PLEKHO2: variants seen among roughly 807,000 people sequenced by gnomAD.
PLEKHO2 encodes the protein pleckstrin homology domain-containing family O member 2.
A neutral mutation model predicts 32.7 loss-of-function variants in PLEKHO2; 20 were observed. The observed-to-expected ratio is 0.61, with a 90% confidence interval of 0.43 to 0.89. PLEKHO2 has a LOEUF of 0.89. Among genes scored for constraint, PLEKHO2 ranks in the 40% least tolerant of loss-of-function variants. The pLI is 0.00. For missense variants in PLEKHO2, 568 were observed against 621.2 expected, an observed-to-expected ratio of 0.91 and a Z score of 0.91; for synonymous variants, 247 against 246.3, an observed-to-expected ratio of 1.00 and a Z score of -0.03.
chr15:64,845,491 G>C (rs1246221129), intron 1 of PLEKHO2, among the ~76,000 whole-genome samples: 2 of 152,068 alleles, frequency 1.3e-5, no homozygotes, highest in Non-Finnish European at 2.9e-5. Flanking sequence ...TGGAGGGAGG[G>C]GGTCTGAGGG....
At chr15:64,860,893 C>A (rs1380492620) in intron 4 of PLEKHO2, among the ~76,000 whole-genome samples, 1 of 152,230 alleles carries the variant, frequency 6.6e-6, no homozygotes, top group Admixed American at 6.5e-5. Flanking sequence ...ACATGTGGGC[C>A]TGAGCCCCCA....
chr15:64,863,392 A>G (rs570665028), intron 5 of PLEKHO2, among the ~76,000 whole-genome samples: 1 of 151,954 alleles, frequency 6.6e-6, no homozygotes, highest in Non-Finnish European at 1.5e-5. Flanking sequence ...CTGCAGAGGG[A>G]GCACTGAGGT....
At chr15:64,864,706 A>G (rs1356555641) in intron 5 of PLEKHO2, among the ~76,000 whole-genome samples, 193 bp from the exon 6 acceptor site, 1 of 152,186 alleles carries the variant, frequency 6.6e-6, no homozygotes, top group Non-Finnish European at 1.5e-5. Flanking sequence ...GGTGAGGGAA[A>G]GGAGAGGAAG....
Position 64,865,843 on chromosome 15 carries a change from G to A in PLEKHO2, c.1428G>A (p.Glu476=), listed in dbSNP as rs148366038. 4 of 1,611,406 alleles carry A rather than the reference G, an allele frequency of 2.5e-6. No individual in the cohort carries two copies. In the African/African-American group the frequency reaches 5.3e-5, roughly 22 times the overall value. The change falls in exon 6 of 6, where the codon GAG becomes GAA. Residue 476 remains glutamate, a synonymous_variant. Transcript: ENST00000323544. ...GCCAGGAAGCACCTGGGCTAAGGGA[G>A]AAGCGGAAGGAGCTGGTGACCCTCT... The part of the protein sequence containing the change: ...ELSQEAPGLR[E]KRKELVTLYR...
chr15:64,842,238 C>T (rs1392251045), intron 1 of PLEKHO2, among the ~76,000 whole-genome samples: 1 of 152,274 alleles, frequency 6.6e-6, no homozygotes, highest in Non-Finnish European at 1.5e-5. Context: ...CTGACTTTCT[C>T]ACCAGTTGTG....
rs999366062 is a variant in PLEKHO2 at position 64,857,605 on chromosome 15, G to A, written c.280-2289G>A. On this transcript the variant is annotated intron_variant, in intron 3 of 5. Coordinates refer to ENST00000323544, the MANE Select transcript of PLEKHO2 (RefSeq NM_025201.5). ...TGTGGTCATCCTTGTGGAATGCCTGGCTCGTTCAGCCAGATACAGGGTTCC... is the reference window on the plus strand; with the variant it reads ...TGTGGTCATCCTTGTGGAATGCCTGACTCGTTCAGCCAGATACAGGGTTCC... 3.4e-4 allele frequency among the ~76,000 whole-genome samples: 52 copies of A among 152,274 alleles called. 1 individual carries two copies. Among genetic ancestry groups the A allele is most frequent in the African/African-American group, 1.1e-3 (44 of 41,556 alleles).
chr15:64,864,571 C>T (rs2084667958), intron 5 of PLEKHO2, among the ~76,000 whole-genome samples: 1 of 152,122 alleles, frequency 6.6e-6, no homozygotes, highest in South Asian at 2.1e-4. Flanking sequence ...GGAACTCTGT[C>T]CCCTGCCACC....
intron 1 of PLEKHO2, among the ~76,000 whole-genome samples, chr15:64,847,518 C>T (rs905701930): frequency 1.3e-5 from 2 of 152,082 alleles, no homozygotes; most frequent in Admixed American, 6.5e-5. Flanking sequence ...TTTCATTTCA[C>T]GCGTACCTCT....
At chr15:64,843,921 A>G (rs948052078) in intron 1 of PLEKHO2, among the ~76,000 whole-genome samples, 1 of 152,026 alleles carries the variant, frequency 6.6e-6, no homozygotes, top group African/African-American at 2.4e-5. Context: ...AAAGCTCTCT[A>G]AATATCTGGG....
At chr15:64,860,081 T>C in intron 4 of PLEKHO2, 83 bp downstream of exon 4, 1 of 1,114,016 alleles carries the variant, frequency 9.0e-7, no homozygotes, top group South Asian at 1.3e-5. Flanking sequence ...TGCCCCTCCT[T>C]ACCCCAGACT....
At chr15:64,844,027 C>T (rs1021349497) in intron 1 of PLEKHO2, among the ~76,000 whole-genome samples, 1 of 152,236 alleles carries the variant, frequency 6.6e-6, no homozygotes, top group African/African-American at 2.4e-5. Context: ...ATCCCTAACT[C>T]TGCTTTCCTC....
intron 5 of PLEKHO2, among the ~76,000 whole-genome samples, chr15:64,862,159 G>A (rs1374945202): frequency 6.6e-6 from 1 of 152,156 alleles, no homozygotes; most frequent in Non-Finnish European, 1.5e-5. Context: ...GAAGGGGGTT[G>A]TGGGGAGGAA....
chr15:64,849,324 T>C (rs1209763429), intron 2 of PLEKHO2, among the ~76,000 whole-genome samples: 1 of 152,070 alleles, frequency 6.6e-6, no homozygotes, highest in African/African-American at 2.4e-5. Flanking sequence ...ATTTTTTGTA[T>C]TTTAGTAGAG....
Position 64,865,612 on chromosome 15 carries a change from G to T in PLEKHO2, c.1197G>T (p.Pro399=). The part of the protein sequence containing the change: ...SSLGDLLGEG[P]RHPLQPRERL... ...TTGGGGACTTGCTTGGGGAAGGCCCGCGGCATCCCTTGCAGCCCAGGGAAC... is the reference window on the plus strand; with the variant it reads ...TTGGGGACTTGCTTGGGGAAGGCCCTCGGCATCCCTTGCAGCCCAGGGAAC... Residue 399 remains proline, a synonymous_variant, in exon 6 of 6, where the codon CCG becomes CCT. Transcript: ENST00000323544. 1 of 1,614,242 alleles carries T rather than the reference G, an allele frequency of 6.2e-7. No individual in the cohort carries two copies. Among genetic ancestry groups the T allele is most frequent in the Non-Finnish European group, 8.5e-7 (1 of 1,180,034 alleles).
At chr15:64,844,297 G>T (rs1383985535) in intron 1 of PLEKHO2, among the ~76,000 whole-genome samples, 6 of 152,234 alleles carry the variant, frequency 3.9e-5, no homozygotes, top group South Asian at 4.1e-4. Flanking sequence ...GTCAGGCTGA[G>T]GCTTGGGGAG....
chr15:64,846,004 G>A (rs1246384349), intron 1 of PLEKHO2, among the ~76,000 whole-genome samples: 1 of 152,238 alleles, frequency 6.6e-6, no homozygotes, highest in Non-Finnish European at 1.5e-5. Context: ...AGGCCTGGCA[G>A]GGGCTGGTGG....
Position 64,854,902 on chromosome 15 carries a change from C to A in PLEKHO2, c.163-19C>A. 2 of 1,601,850 alleles carry A rather than the reference C, an allele frequency of 1.2e-6. No individual in the cohort carries two copies. Among genetic ancestry groups the A allele is most frequent in the Non-Finnish European group, 8.6e-7 (1 of 1,169,536 alleles). On this transcript the variant is annotated intron_variant, in intron 2 of 5. Transcript: ENST00000323544. ...GTCTGACTGTCACCAGCTCATGTCC[C>A]TTCTGTCTCCCTCCCCAGGATGATC...
Position 64,846,856 on chromosome 15 carries a change from T to G in PLEKHO2, c.13-1737T>G, listed in dbSNP as rs372893389. 4.8e-3 allele frequency among the ~76,000 whole-genome samples: 727 copies of G among 152,272 alleles called. 5 individuals are homozygous for G. The highest frequency in any genetic ancestry group is 8.4e-3 in the Non-Finnish European group (569 of 68,012). On this transcript the variant is annotated intron_variant, in intron 1 of 5. Transcript: ENST00000323544. ...ATAATGACAGCTGCCGTTTACTAGG[T>G]TTAGGGCATCCTGGGAACTGCTCTA... is the stretch of plus-strand genomic sequence containing the variant.
Position 64,865,613 on chromosome 15 carries a change from C to A in PLEKHO2, c.1198C>A (p.Arg400=), listed in dbSNP as rs139634648. Residue 400 remains arginine (R), a synonymous_variant, in exon 6 of 6, where the codon CGG becomes AGG. Coordinates refer to ENST00000323544, the MANE Select transcript of PLEKHO2 (RefSeq NM_025201.5). ...TGGGGACTTGCTTGGGGAAGGCCCG[C>A]GGCATCCCTTGCAGCCCAGGGAACG... The part of the protein sequence containing the change: ...SLGDLLGEGP[R]HPLQPRERLY... 4.3e-6 allele frequency: 7 copies of A among 1,614,124 alleles called. No homozygotes were observed. The highest frequency in any genetic ancestry group is 5.9e-6 in the Non-Finnish European group (7 of 1,180,040).
Sources: allele counts gnomAD v4.1 joint callset (sites outside exome capture counted in the v4.1 genomes callset), GRCh38; gene constraint gnomAD v4.1.1; transcripts MANE v1.5; gene names NCBI Gene and HGNC (gene_info 2026-07-23, HGNC 2026-07-21).